The following TAF3 variants were observed in gnomAD, a reference collection of about 807,000 sequenced individuals.
TAF3 encodes TATA-box binding protein associated factor 3.
A neutral mutation model predicts 80.6 loss-of-function variants in TAF3; 7 were observed. The ratio of observed to expected loss-of-function variants is 0.09; its 90% confidence interval spans 0.05 to 0.16. The LOEUF (loss-of-function observed/expected upper bound fraction) is 0.16. TAF3 is among the 10% of genes least tolerant of loss of function. The pLI, the probability that TAF3 is intolerant of heterozygous loss-of-function variation, is 1.00. For synonymous variants in TAF3, 444 were observed against 446.1 expected, an observed-to-expected ratio of 1.00 and a Z score of 0.06; for missense variants, 921 against 1,140.2, an observed-to-expected ratio of 0.81 and a Z score of 2.77.
At chr10:7,983,276 G>A (rs1292260484) in intron 4 of TAF3, among the ~76,000 whole-genome samples, 2 of 152,212 alleles carry the variant, frequency 1.3e-5, no homozygotes, top group Non-Finnish European at 2.9e-5. Context: ...CTGTCAGAAG[G>A]GGAAGTGGTA....
chr10:7,935,521 T>C (rs1339181517), intron 2 of TAF3, among the ~76,000 whole-genome samples: 1 of 151,856 alleles, frequency 6.6e-6, no homozygotes, highest in South Asian at 2.1e-4. Flanking sequence ...GAGGCGGAGC[T>C]TGCAGTGAGC....
At chr10:7,969,199 G>A (rs61833259) in intron 3 of TAF3, among the ~76,000 whole-genome samples, 4 of 152,062 alleles carry the variant, frequency 2.6e-5, no homozygotes, top group Non-Finnish European at 5.9e-5. Flanking sequence ...ACTAGGCATG[G>A]TGTTGCACAT....
chr10:7,949,913 A>G (rs938833141), intron 2 of TAF3, among the ~76,000 whole-genome samples: 1 of 152,226 alleles, frequency 6.6e-6, no homozygotes, highest in Non-Finnish European at 1.5e-5. Flanking sequence ...TGCCTGTCCA[A>G]TAAAGATAGG....
chr10:7,949,397 TTA>T (rs925755709), intron 2 of TAF3, among the ~76,000 whole-genome samples: 33 of 152,214 alleles, frequency 2.2e-4, no homozygotes, highest in African/African-American at 7.7e-4. Flanking sequence ...CCTGGGTGTC[TTA>T]TATATAAGTG....
intron 4 of TAF3, among the ~76,000 whole-genome samples, chr10:7,983,412 G>A (rs1831745712): frequency 6.6e-6 from 1 of 152,214 alleles, no homozygotes; most frequent in African/African-American, 2.4e-5. Flanking sequence ...GTGTCCTGGG[G>A]AGGCAGGGCA....
intron 2 of TAF3, among the ~76,000 whole-genome samples, chr10:7,837,582 G>A (rs1365791664): frequency 6.6e-6 from 1 of 152,222 alleles, no homozygotes; most frequent in Non-Finnish European, 1.5e-5. Context: ...GGCAGAGGTT[G>A]CAGTGATCTG....
intron 2 of TAF3, among the ~76,000 whole-genome samples, chr10:7,945,051 C>T (rs971931273): frequency 2.6e-5 from 4 of 152,114 alleles, no homozygotes; most frequent in African/African-American, 9.7e-5. Flanking sequence ...ATTTTTTACT[C>T]TATTTTCATT....
At chr10:7,855,957 G>A (rs891447377) in intron 2 of TAF3, among the ~76,000 whole-genome samples, 2 of 151,318 alleles carry the variant, frequency 1.3e-5, no homozygotes, top group Admixed American at 6.6e-5. Flanking sequence ...AAAAATAAGC[G>A]TAATAGTTCT....
intron 2 of TAF3, among the ~76,000 whole-genome samples, chr10:7,836,762 A>G (rs1176016291): frequency 1.3e-5 from 2 of 152,142 alleles, no homozygotes; most frequent in Admixed American, 6.5e-5. Flanking sequence ...TTATTGCATC[A>G]CTTCCTTTGT....
At chr10:7,860,666 A>C (rs571655860) in intron 2 of TAF3, among the ~76,000 whole-genome samples, 1 of 152,354 alleles carries the variant, frequency 6.6e-6, no homozygotes, top group South Asian at 2.1e-4. Context: ...GGTACCAATT[A>C]AATTTTTATA....
chr10:7,981,259 C>T (rs1777887753), intron 4 of TAF3, among the ~76,000 whole-genome samples: 1 of 152,160 alleles, frequency 6.6e-6, no homozygotes. Flanking sequence ...AAGCCTCCTC[C>T]CTCTTCCATC....
chr10:7,997,224 T>C (rs1434213869), intron 4 of TAF3, among the ~76,000 whole-genome samples: 1 of 152,260 alleles, frequency 6.6e-6, no homozygotes, highest in African/African-American at 2.4e-5. Context: ...ATCATTTTGT[T>C]ACCATTTAAT....
chr10:7,855,867 G>A (rs550521992), intron 2 of TAF3, among the ~76,000 whole-genome samples: 22 of 151,402 alleles, frequency 1.5e-4, no homozygotes, highest in Non-Finnish European at 3.2e-4. Flanking sequence ...AGGATAGCTT[G>A]AGCCCAGGAG....
At chr10:7,908,182 G>T (rs913186534) in intron 2 of TAF3, among the ~76,000 whole-genome samples, 3 of 152,036 alleles carry the variant, frequency 2.0e-5, no homozygotes, top group African/African-American at 7.3e-5. Flanking sequence ...TCCAAAACGA[G>T]TCACAAACTC....
chr10:8,003,206 T>C (rs974622926), intron 4 of TAF3, among the ~76,000 whole-genome samples: 1 of 152,062 alleles, frequency 6.6e-6, no homozygotes, highest in African/African-American at 2.4e-5. Flanking sequence ...GTGGTTTTTT[T>C]TCTCTCTCTC....
At chr10:7,838,887 A>T (rs910973004) in intron 2 of TAF3, among the ~76,000 whole-genome samples, 2 of 136,628 alleles carry the variant, frequency 1.5e-5, no homozygotes, top group East Asian at 2.2e-4. Flanking sequence ...TATCTAGGGA[A>T]GTTGTCTGGA....
intron 2 of TAF3, among the ~76,000 whole-genome samples, chr10:7,825,593 G>A (rs952951082): frequency 1.9e-5 from 2 of 105,624 alleles, no homozygotes; most frequent in Admixed American, 9.4e-5. Context: ...GACATTATTT[G>A]TCTTTTTATG....
chr10:7,920,378 TC>T (rs1427177153), intron 2 of TAF3, among the ~76,000 whole-genome samples: 4 of 151,254 alleles, frequency 2.6e-5, no homozygotes, highest in African/African-American at 9.7e-5. Context: ...TTGAGTTTTT[TC>T]CCCTACTAGA....
rs1265417474 is a variant in TAF3, at chr10:7,915,471, C to T, written c.410-48449C>T. On this transcript the variant is annotated intron_variant, in intron 2 of 6. Transcript: ENST00000344293. ...CATCCTGGCTAACACGGTGAAACCC[C>T]GTCTCTACTAAAAATACAAAAATTA... 7.4e-5 allele frequency among the ~76,000 whole-genome samples: 11 copies of T among 148,312 alleles called. No homozygotes were observed. In the East Asian group the frequency reaches 2.3e-3, roughly 31 times the overall value.
Sources: gnomAD v4.1 joint callset for allele counts (sites outside exome capture counted in the v4.1 genomes callset) on GRCh38, gnomAD v4.1.1 for gene constraint, MANE v1.5 for transcripts, NCBI Gene and HGNC (gene_info 2026-07-23, HGNC 2026-07-21) for gene names.